Variants in ZFAT observed in about 807,000 individuals in gnomAD.
ZFAT encodes the protein zinc finger and AT-hook domain containing, also known as zinc finger protein ZFAT.
Under a neutral mutation model 117.7 loss-of-function variants are expected in ZFAT, and 64 were observed. The observed-to-expected ratio is 0.54, with a 90% CI of 0.44 to 0.67. ZFAT has a LOEUF of 0.67. Ranked by LOEUF, ZFAT falls within the 30% of genes least tolerant of loss-of-function variation. The pLI is 0.00. For synonymous variants in ZFAT, 679 were observed against 615.0 expected, an observed-to-expected ratio of 1.10 and a Z score of -1.54; for missense variants, 1,433 against 1,584.5, an observed-to-expected ratio of 0.90 and a Z score of 1.62.
the ZFAT span, among the ~76,000 whole-genome samples, chr8:134,800,865 A>T: frequency 1.3e-5 from 2 of 152,000 alleles, no homozygotes; most frequent in South Asian, 2.1e-4. Flanking sequence ...TATTAATAAA[A>T]TTTTTTTTAG....
chr8:134,629,978 G>T (rs1829775088), intron 3 of ZFAT, among the ~76,000 whole-genome samples: 1 of 152,104 alleles, frequency 6.6e-6, no homozygotes, highest in Non-Finnish European at 1.5e-5. Flanking sequence ...CTCCAGCTGG[G>T]TCCCTGAGTA....
At chr8:134,679,590 T>C (rs1832970502) in intron 1 of ZFAT, among the ~76,000 whole-genome samples, 1 of 152,270 alleles carries the variant, frequency 6.6e-6, no homozygotes, top group African/African-American at 2.4e-5. Context: ...TTACTGGGTA[T>C]ATATCCAAAG....
intron 15 of ZFAT, among the ~76,000 whole-genome samples, chr8:134,498,094 C>G (rs1267901667): frequency 2.1e-5 from 1 of 46,634 alleles, no homozygotes; most frequent in South Asian, 8.3e-4. Context: ...TGTGGTGGAG[C>G]TGGGATGCCC....
upstream of ZFAT, among the ~76,000 whole-genome samples, chr8:134,715,999 T>C (rs1183288160): frequency 1.3e-5 from 2 of 152,098 alleles, no homozygotes; most frequent in Non-Finnish European, 1.5e-5. Flanking sequence ...TGGTGGCTCA[T>C]GCCTGTAATC....
the ZFAT span, among the ~76,000 whole-genome samples, chr8:134,743,120 G>T: frequency 6.6e-6 from 1 of 152,248 alleles, no homozygotes; most frequent in African/African-American, 2.4e-5. Context: ...CCATCTCTAT[G>T]CCCTTGCAGG....
At chr8:134,695,186 C>A (rs1833765093) in intron 1 of ZFAT, among the ~76,000 whole-genome samples, 1 of 152,174 alleles carries the variant, frequency 6.6e-6, no homozygotes, top group Admixed American at 6.5e-5. Context: ...AAGGGGGTTG[C>A]GTCCACATCC....
intron 2 of ZFAT, among the ~76,000 whole-genome samples, chr8:134,645,697 C>T (rs1334256232): frequency 6.6e-6 from 1 of 152,204 alleles, no homozygotes; most frequent in Non-Finnish European, 1.5e-5. Context: ...GCTGTTTTAA[C>T]TCCTCTGAGT....
intron 12 of ZFAT, among the ~76,000 whole-genome samples, chr8:134,521,991 T>C (rs1018981315): frequency 1.3e-5 from 2 of 152,250 alleles, no homozygotes; most frequent in Non-Finnish European, 2.9e-5. Flanking sequence ...GTCTTCTCTG[T>C]GGTCCACATG....
At chr8:134,742,128 A>G in the ZFAT span, among the ~76,000 whole-genome samples, 1 of 151,012 alleles carries the variant, frequency 6.6e-6, no homozygotes, top group Non-Finnish European at 1.5e-5. Flanking sequence ...AGGGTCTTTG[A>G]AGCTTCATTT....
At chr8:134,540,028 CT>C (rs1367482593) in intron 11 of ZFAT, among the ~76,000 whole-genome samples, 6 of 152,200 alleles carry the variant, frequency 3.9e-5, no homozygotes, top group Non-Finnish European at 8.8e-5. Context: ...TATGACTGTG[CT>C]TTGAGAATCA....
chr8:134,722,231 G>A, the ZFAT span, among the ~76,000 whole-genome samples: 2 of 152,244 alleles, frequency 1.3e-5, no homozygotes, highest in South Asian at 2.1e-4. Context: ...ACACCTCAGA[G>A]GGGTGGAGAG....
chr8:134,586,871 T>C (rs1826105328), intron 9 of ZFAT, among the ~76,000 whole-genome samples: 1 of 152,216 alleles, frequency 6.6e-6, no homozygotes, highest in Admixed American at 6.5e-5. Flanking sequence ...CTGTGTGACC[T>C]GGGGCAAATT....
rs748655306 is a variant in ZFAT, at chr8:134,512,556, T to A, written c.3280A>T (p.Ile1094Phe). The change falls in exon 14 of 16, where the codon ATC becomes TTC. Residue 1094 changes from isoleucine (I) to phenylalanine (F), a missense_variant. By Grantham distance (21) the Ile-to-Phe change is conservative. Around this residue, in one of 5 missense-constraint regions of ZFAT, gnomAD observed 503 missense variants for 543.4 expected, o/e 0.93. Transcript: ENST00000377838. ...TGAACGTCTTCTTCGGCCTCTGTGA[T>A]GTGGAGATACTGGGTGGAGGGCTCC... ...PEEPSTQYLH[I>F]TEAEEDVQGT... The A allele has an allele frequency of 6.2e-7, 1 of 1,613,994 alleles. No individual in the cohort carries two copies. Among genetic ancestry groups the A allele is most frequent in the Non-Finnish European group, 8.5e-7 (1 of 1,179,886 alleles).
chr8:134,517,005 CAT>C (rs989161082), intron 13 of ZFAT, among the ~76,000 whole-genome samples: 1 of 152,116 alleles, frequency 6.6e-6, no homozygotes, highest in African/African-American at 2.4e-5. Flanking sequence ...CAGAATTAAA[CAT>C]ATTTTATGTG....
chr8:134,615,706 A>G (rs1828675933), intron 3 of ZFAT, among the ~76,000 whole-genome samples: 1 of 152,146 alleles, frequency 6.6e-6, no homozygotes, highest in Non-Finnish European at 1.5e-5. Context: ...ACACACCTCC[A>G]AGCCCCCACA....
intron 1 of ZFAT, among the ~76,000 whole-genome samples, chr8:134,675,105 GT>G (rs759592418): frequency 7.2e-5 from 11 of 152,308 alleles, no homozygotes; most frequent in Admixed American, 3.3e-4. Context: ...CGGAGAATGA[GT>G]TTGACAAATT....
intron 15 of ZFAT, among the ~76,000 whole-genome samples, chr8:134,500,055 C>A (rs942777902): frequency 1.3e-5 from 2 of 152,238 alleles, no homozygotes; most frequent in African/African-American, 4.8e-5. Context: ...GCCCGCAGCG[C>A]TCTCCTCCAT....
intron 2 of ZFAT, among the ~76,000 whole-genome samples, chr8:134,647,599 A>G (rs766397954): frequency 3.8e-4 from 58 of 152,210 alleles, no homozygotes; most frequent in Non-Finnish European, 1.2e-4. Flanking sequence ...CTGTTTGTAG[A>G]TGACATAATC....
At chr8:134,702,063 C>T (rs758834861) in intron 1 of ZFAT, among the ~76,000 whole-genome samples, 10 of 152,170 alleles carry the variant, frequency 6.6e-5, no homozygotes, top group Non-Finnish European at 1.0e-4. Context: ...TTAGCAAACT[C>T]GGCCCCTTGC....
Sources: gnomAD v4.1 joint callset for allele counts (sites outside exome capture counted in the v4.1 genomes callset) on GRCh38, gnomAD v4.1.1 for gene constraint, gnomAD v4.1.1 regional missense constraint, MANE v1.5 for transcripts, NCBI Gene and HGNC (gene_info 2026-07-23, HGNC 2026-07-21) for gene names.